ATXN1L: variants seen among roughly 807,000 people sequenced by gnomAD.
ATXN1L encodes the protein ataxin 1 like.
ATXN1L carries 8 observed loss-of-function variants against 43.4 expected under a neutral mutation model. The ratio of observed to expected loss-of-function variants is 0.18; its 90% confidence interval spans 0.11 to 0.33. The LOEUF is 0.33. Among genes scored for constraint, ATXN1L ranks in the 10% least tolerant of loss-of-function variants. The pLI, the probability that ATXN1L is intolerant of heterozygous loss-of-function variation, is 1.00. For synonymous variants in ATXN1L, 379 were observed against 360.6 expected (o/e 1.05, Z -0.58); for missense variants, 856 against 885.4 (o/e 0.97, Z 0.42).
chr16:71,851,520 A>C lies in ATXN1L; in HGVS notation c.1780A>C (p.Ser594Arg). ...GAACAGTAACTCAGTTTCTCAGGCC[A>C]GCTGTGCTCCCCCAAGCCAGCTGGG... The part of the protein sequence containing the change: ...SLNSNSVSQA[S>R]CAPPSQLGPP... The change falls in exon 3 of 3, where the codon AGC becomes CGC. Residue 594 changes from serine (S) to arginine (R), a missense_variant. By Grantham distance (110) the Ser-to-Arg change is moderately radical. Coordinates refer to ENST00000427980, the MANE Select transcript of ATXN1L (RefSeq NM_001137675.4). The surrounding 1 kb of genome is among the most constrained non-coding windows in gnomAD (Gnocchi z 4.9). The C allele has an allele frequency of 6.4e-7, 1 of 1,551,348 alleles. No homozygotes were observed. Among genetic ancestry groups the C allele is most frequent in the Non-Finnish European group, 8.7e-7 (1 of 1,146,888 alleles).
rs576304345 is a variant in ATXN1L at position 71,845,996 on chromosome 16, G to T, written c.-288G>T. Reference sequence around the variant, plus strand: ...ACGCCATCTCCGGGCGCCCGGCTGTGGGGGGCGCTGGGTGTGGGGCGGCTC... The same window carrying T: ...ACGCCATCTCCGGGCGCCCGGCTGTTGGGGGCGCTGGGTGTGGGGCGGCTC... On this transcript the variant is annotated 5_prime_UTR_variant, in exon 1 of 3. Coordinates refer to ENST00000427980, the MANE Select transcript of ATXN1L (RefSeq NM_001137675.4). The T allele has an allele frequency of 9.7e-5, 16 of 164,380 alleles. No homozygotes were observed. The highest frequency in any genetic ancestry group is 1.9e-4 in the East Asian group (1 of 5,282). 10.2% of individuals were successfully genotyped at this position (164,380 alleles called of 1,614,324 possible).
At position 71,850,673 on chromosome 16, in the gene ATXN1L, G is replaced by C; in HGVS notation, c.933G>C (p.Leu311Phe). 2 of 1,551,750 alleles carry C rather than the reference G, an allele frequency of 1.3e-6. No individual in the cohort carries two copies. Among genetic ancestry groups the C allele is most frequent in the Non-Finnish European group, 8.7e-7 (1 of 1,147,004 alleles). The part of the protein sequence containing the change: ...PVVECVVDGQ[L>F]FSGSQTPRVE... ...TAGAATGTGTGGTGGATGGACAGTT[G>C]TTTTCAGGTTCTCAGACTCCACGGG... is the stretch of plus-strand genomic sequence containing the variant. The change falls in exon 3 of 3, where the codon TTG (leucine) becomes TTC (phenylalanine). Residue 311 changes from leucine to phenylalanine, a missense_variant. By Grantham distance (22) the Leu-to-Phe change is conservative. This residue lies in a region of ATXN1L where 490 missense variants were observed against 449.4 expected (regional missense o/e 1.09). Coordinates refer to ENST00000427980, the MANE Select transcript of ATXN1L (RefSeq NM_001137675.4).
chr16:71,849,783 A>G lies in ATXN1L; in HGVS notation c.43A>G (p.Lys15Glu), dbSNP rs1199239170. 1 of 1,539,352 alleles carries G rather than the reference A, an allele frequency of 6.5e-7. No individual in the cohort carries two copies. ...HERSQECLPP[K>E]KRDLPVTSED... The stretch of plus-strand genomic sequence containing the variant: ...AAGGAGTCAGGAATGCCTTCCACCA[A>G]AGAAACGAGACCTCCCCGTGACCAG... The change falls in exon 3 of 3, where the codon AAG (lysine) becomes GAG (glutamate). Residue 15 changes from lysine to glutamate, a missense_variant. Lys to Glu is a moderately conservative substitution (Grantham distance 56). Transcript: ENST00000427980.
rs924181183 is a variant in ATXN1L, at chr16:71,853,184, A to G, written c.*1374A>G. ...GTCTTGATAACATTTCAGTACCTGAATAGATGTCATTTTGTGTTGGTATAT... is the reference window on the plus strand; with the variant it reads ...GTCTTGATAACATTTCAGTACCTGAGTAGATGTCATTTTGTGTTGGTATAT... On this transcript the variant is annotated 3_prime_UTR_variant, in exon 3 of 3. Transcript: ENST00000427980. 6.6e-5 allele frequency: 11 copies of G among 166,730 alleles called. No homozygotes were observed. The highest frequency in any genetic ancestry group is 8.8e-5 in the Non-Finnish European group (6 of 68,140). 10.3% of individuals were successfully genotyped at this position (166,730 alleles called of 1,614,324 possible).
At position 71,851,332 on chromosome 16, in the gene ATXN1L, A is replaced by C. The variant is rs776124981; in HGVS notation, c.1592A>C (p.Gln531Pro). 19 of 1,551,706 alleles carry C rather than the reference A, an allele frequency of 1.2e-5. No homozygotes were observed. In the South Asian group the frequency reaches 2.3e-4, roughly 18 times the overall value. The stretch of plus-strand genomic sequence containing the variant: ...ATGCTGCATTTTGTGGTTGGTGAGC[A>C]GCAGAGCAAAGTGAGCATCGAAGTG... Reference protein sequence around the residue: ...FVMLHFVVGEQQSKVSIEVPP... With the variant: ...FVMLHFVVGEPQSKVSIEVPP... Residue 531 changes from glutamine (Q) to proline (P), a missense_variant, in exon 3 of 3, where the codon CAG becomes CCG. This residue lies in a region of ATXN1L where 54 missense variants were observed against 56.6 expected (regional missense o/e 0.95). Coordinates refer to ENST00000427980, the MANE Select transcript of ATXN1L (RefSeq NM_001137675.4). The surrounding 1 kb of genome is among the most constrained non-coding windows in gnomAD (Gnocchi z 4.9).
At chr16:71,847,914 G>A (rs774931036) in intron 1 of ATXN1L, 96 bp from the exon 2 acceptor site, 6 of 407,774 alleles carry the variant, frequency 1.5e-5, no homozygotes, top group Non-Finnish European at 2.5e-5. Context: ...GCAAGGACGT[G>A]TATACTCTAA....
In ATXN1L at chr16:71,856,214, G is replaced by A. The variant is rs1014354999; in HGVS notation, c.*4404G>A. 1.2e-5 allele frequency: 2 copies of A among 167,158 alleles called. No homozygotes were observed. Among genetic ancestry groups the A allele is most frequent in the Admixed American group, 6.5e-5 (1 of 15,294 alleles). 10.4% of individuals were successfully genotyped at this position (167,158 alleles called of 1,614,324 possible). A position where few individuals can be genotyped will look rare whatever the true frequency, so the allele number is the denominator to read the frequency against. ...CATAAATGCACTTTTCACACTAAAG[G>A]TTTCTTTATTAGTTCTCCAGTTAAA... On this transcript the variant is annotated 3_prime_UTR_variant, in exon 3 of 3. Transcript: ENST00000427980.
rs1269839618 is a variant in ATXN1L, at chr16:71,852,075, A to C, written c.*265A>C. The C allele has an allele frequency of 9.2e-6, 3 of 326,066 alleles. No homozygotes were observed. The highest frequency in any genetic ancestry group is 2.1e-5 in the African/African-American group (1 of 46,714). 20.2% of individuals were successfully genotyped at this position (326,066 alleles called of 1,614,324 possible). On this transcript the variant is annotated 3_prime_UTR_variant, in exon 3 of 3. Transcript: ENST00000427980. ...AGGAAGGGGGTGCACACAGGAGAAGAAACATTCCAAAATCAGGGCCTCCCT... is the reference window on the plus strand; with the variant it reads ...AGGAAGGGGGTGCACACAGGAGAAGCAACATTCCAAAATCAGGGCCTCCCT...
rs2033514223 is a variant in ATXN1L at position 71,852,452 on chromosome 16, A to G, written c.*642A>G. 6.0e-6 allele frequency: 1 copy of G among 167,214 alleles called. No homozygotes were observed. Among genetic ancestry groups the G allele is most frequent in the South Asian group, 2.1e-4 (1 of 4,836 alleles). The allele number at this position is 167,214 out of a possible 1,614,324, so 10.4% of individuals were successfully genotyped here. On this transcript the variant is annotated 3_prime_UTR_variant, in exon 3 of 3. Coordinates refer to ENST00000427980, the MANE Select transcript of ATXN1L (RefSeq NM_001137675.4). ...CCCATCTCTCCTCACCATTCTGCCT[A>G]CAAGGCTTCTAGCAGCACGGGGGCC...
Position 71,853,634 on chromosome 16 carries a change from T to C in ATXN1L, c.*1824T>C, listed in dbSNP as rs775733278. On this transcript the variant is annotated 3_prime_UTR_variant, in exon 3 of 3. Transcript: ENST00000427980. The stretch of plus-strand genomic sequence containing the variant: ...TCCCCACCTGCCAAATGGGGATAAA[T>C]AATCTTACCTACCTCCTGGGGGGAG... 6.0e-6 allele frequency: 1 copy of C among 167,078 alleles called. No homozygotes were observed. Among genetic ancestry groups the C allele is most frequent in the African/African-American group, 2.4e-5 (1 of 41,430 alleles). The allele number at this position is 167,078 out of a possible 1,614,324, so 10.3% of individuals were successfully genotyped here.
At chr16:71,848,114 G>A (rs1281085774) in intron 2 of ATXN1L, 43 bp downstream of exon 2, 3 of 454,182 alleles carry the variant, frequency 6.6e-6, no homozygotes, top group South Asian at 4.7e-5. Context: ...GAAAATATCT[G>A]GGATGTCACA....
Position 71,853,425 on chromosome 16 carries a change from GGTATT to G in ATXN1L, c.*1618_*1622del, listed in dbSNP as rs2142324212. 6.0e-6 allele frequency: 1 copy of G among 167,034 alleles called. No homozygotes were observed. Among genetic ancestry groups the G allele is most frequent in the South Asian group, 2.1e-4 (1 of 4,808 alleles). 10.3% of individuals were successfully genotyped at this position (167,034 alleles called of 1,614,324 possible). ...CTTTAGACTCTTGAAGGCAACTCAG[GGTATT>G]GTCCACGCAGCTCTCTGGTTAGACT... On this transcript the variant is annotated 3_prime_UTR_variant, in exon 3 of 3. Transcript: ENST00000427980.
At position 71,855,808 on chromosome 16, in the gene ATXN1L, G is replaced by A. The variant is rs2033545407; in HGVS notation, c.*3998G>A. On this transcript the variant is annotated 3_prime_UTR_variant, in exon 3 of 3. Coordinates refer to ENST00000427980, the MANE Select transcript of ATXN1L (RefSeq NM_001137675.4). ...TAGGCTAAGTTTACTAAACCACACTGAAGCTATAGTACCTTCCAGATGGGC... is the reference window on the plus strand; with the variant it reads ...TAGGCTAAGTTTACTAAACCACACTAAAGCTATAGTACCTTCCAGATGGGC... The A allele has an allele frequency of 6.0e-6, 1 of 167,088 alleles. No homozygotes were observed. The highest frequency in any genetic ancestry group is 2.4e-5 in the African/African-American group (1 of 41,450). The allele number at this position is 167,088 out of a possible 1,614,324, so 10.4% of individuals were successfully genotyped here.
At chr16:71,846,554 G>A (rs2033445784) in intron 1 of ATXN1L, among the ~76,000 whole-genome samples, 1 of 152,216 alleles carries the variant, frequency 6.6e-6, no homozygotes, top group Non-Finnish European at 1.5e-5. Context: ...CCTCTCGCCC[G>A]CAGAGAATTT....
chr16:71,846,713 A>T (rs1421583719), intron 1 of ATXN1L, among the ~76,000 whole-genome samples: 1 of 152,180 alleles, frequency 6.6e-6, no homozygotes, highest in African/African-American at 2.4e-5. Flanking sequence ...TGAGATGCTC[A>T]GTGAGGTTCT....
rs1597111547 is a variant in ATXN1L at position 71,854,139 on chromosome 16, A to C, written c.*2329A>C. 1 of 167,252 alleles carries C rather than the reference A, an allele frequency of 6.0e-6. No individual in the cohort carries two copies. Among genetic ancestry groups the C allele is most frequent in the Middle Eastern group, 3.4e-3 (1 of 296 alleles). 10.4% of individuals were successfully genotyped at this position (167,252 alleles called of 1,614,324 possible). A position where few individuals can be genotyped will look rare whatever the true frequency, so the allele number is the denominator to read the frequency against. ...ATAGGAAGGCTCATCAACTGAATTT[A>C]GTGACATGTACACAGTAGATGCTCA... On this transcript the variant is annotated 3_prime_UTR_variant, in exon 3 of 3. Transcript: ENST00000427980.
In ATXN1L at chr16:71,850,322, G is replaced by C; in HGVS notation, c.582G>C (p.Pro194=). ...GATPPPQAPS[P]AHSFNKAPSA... ...CTCCTCCCCCACAGGCTCCCTCCCC[G>C]GCCCACTCATTTAACAAAGCTCCCT... is the stretch of plus-strand genomic sequence containing the variant. Residue 194 remains proline (P), a synonymous_variant, in exon 3 of 3, where the codon CCG becomes CCC. Coordinates refer to ENST00000427980, the MANE Select transcript of ATXN1L (RefSeq NM_001137675.4). 1 of 1,551,392 alleles carries C rather than the reference G, an allele frequency of 6.4e-7. No individual in the cohort carries two copies. Among genetic ancestry groups the C allele is most frequent in the Non-Finnish European group, 8.7e-7 (1 of 1,146,926 alleles).
In ATXN1L at chr16:71,849,854, C is replaced by G; in HGVS notation, c.114C>G (p.Pro38=). 6.4e-7 allele frequency: 1 copy of G among 1,551,566 alleles called. No homozygotes were observed. The highest frequency in any genetic ancestry group is 8.7e-7 in the Non-Finnish European group (1 of 1,146,918). ...RTTSCSTNHT[P]SSDASEWSRG... ...CCAGCTGCTCCACTAACCACACACCCTCCAGTGATGCTTCTGAATGGTCCC... is the reference window on the plus strand; with the variant it reads ...CCAGCTGCTCCACTAACCACACACCGTCCAGTGATGCTTCTGAATGGTCCC... Residue 38 remains proline (P), a synonymous_variant, in exon 3 of 3, where the codon CCC becomes CCG. Coordinates refer to ENST00000427980, the MANE Select transcript of ATXN1L (RefSeq NM_001137675.4).
In ATXN1L at chr16:71,847,351, A is replaced by G. The variant is rs772036943; in HGVS notation, c.-179-659A>G. On this transcript the variant is annotated intron_variant, in intron 1 of 2. Coordinates refer to ENST00000427980, the MANE Select transcript of ATXN1L (RefSeq NM_001137675.4). The stretch of plus-strand genomic sequence containing the variant: ...TGTTAGCCAGCTGAGGACCAAGGCA[A>G]TATTTTCAGTTTCTTTCATACCTGA... 1.0e-3 allele frequency among the ~76,000 whole-genome samples: 158 copies of G among 152,128 alleles called. 3 individuals carry two copies. Among genetic ancestry groups the G allele is most frequent in the African/African-American group, 6.5e-4 (27 of 41,418 alleles).
Sources: gnomAD v4.1 joint callset for allele counts (sites outside exome capture counted in the v4.1 genomes callset) on GRCh38, gnomAD v4.1.1 for gene constraint, gnomAD v4.1.1 regional missense constraint, Gnocchi (gnomAD v3.1) non-coding constraint, MANE v1.5 for transcripts, NCBI Gene and HGNC (gene_info 2026-07-23, HGNC 2026-07-21) for gene names.